The following ZMYND11 variants were observed in gnomAD, a reference collection of about 807,000 sequenced individuals.
ZMYND11 encodes the protein zinc finger MYND-type containing 11.
In ZMYND11, 9 loss-of-function variants were observed where a neutral mutation model predicts 84.9. The observed-to-expected ratio is 0.11, with a 90% CI of 0.06 to 0.18. ZMYND11 has a LOEUF of 0.18. Among genes scored for constraint, ZMYND11 ranks in the 10% least tolerant of loss-of-function variants. ZMYND11 has a pLI of 1.00. For missense variants in ZMYND11, 409 were observed against 761.0 expected (o/e 0.54, Z 5.44); for synonymous variants, 250 against 244.1 (o/e 1.02, Z -0.23).
At chr10:221,552 A>G (rs1221100563) in intron 4 of ZMYND11, among the ~76,000 whole-genome samples, 196 bp downstream of exon 4, 2 of 152,188 alleles carry the variant, frequency 1.3e-5, no homozygotes, top group African/African-American at 2.4e-5. Flanking sequence ...TGGATTTTAG[A>G]AAGTTTTAAT....
chr10:146,145 C>A (rs1158353607), intron 1 of ZMYND11, among the ~76,000 whole-genome samples: 4 of 152,060 alleles, frequency 2.6e-5, no homozygotes, highest in Non-Finnish European at 5.9e-5. Flanking sequence ...GTGTCCTTTC[C>A]CCAATTTTGT....
intron 3 of ZMYND11, among the ~76,000 whole-genome samples, chr10:218,105 T>C (rs1946496252): frequency 6.6e-6 from 1 of 152,252 alleles, no homozygotes; most frequent in Non-Finnish European, 1.5e-5. Flanking sequence ...CGCAAGTTTA[T>C]AATGGCACTG....
Position 135,922 on chromosome 10 carries a change from G to T in ZMYND11, c.-20+363G>T, listed in dbSNP as rs1369892615. 1.3e-5 allele frequency among the ~76,000 whole-genome samples: 2 copies of T among 151,534 alleles called. No individual in the cohort carries two copies. Among genetic ancestry groups the T allele is most frequent in the African/African-American group, 4.8e-5 (2 of 41,342 alleles). On this transcript the variant is annotated intron_variant, in intron 1 of 14. Transcript: ENST00000381604. The surrounding 1 kb of genome is among the most constrained non-coding windows in gnomAD (Gnocchi z 5.6). ...GCGTGAGCACCGCCCGCCGGGCCCT[G>T]TGCCCCGCTTTCGGTCAGGCCTCCT...
chr10:233,748 T>C (rs1417354215), intron 4 of ZMYND11, among the ~76,000 whole-genome samples: 2 of 152,168 alleles, frequency 1.3e-5, no homozygotes, highest in African/African-American at 2.4e-5. Context: ...CTCAGCAAAT[T>C]TAAACAGACA....
At chr10:193,675 C>T (rs977474647) in intron 2 of ZMYND11, among the ~76,000 whole-genome samples, 25 of 152,158 alleles carry the variant, frequency 1.6e-4, no homozygotes, top group African/African-American at 6.0e-4. Context: ...CCTGTGCAAC[C>T]ACCATCTCAA....
At chr10:233,124 T>G (rs1259477129) in intron 4 of ZMYND11, among the ~76,000 whole-genome samples, 2 of 152,088 alleles carry the variant, frequency 1.3e-5, no homozygotes, top group Non-Finnish European at 2.9e-5. Flanking sequence ...CCCTGGGGGC[T>G]TTTAGGACTA....
chr10:239,373 ACTTAGTCCAG>A, intron 6 of ZMYND11, 55 bp from the exon 7 acceptor site: 1 of 1,323,712 alleles, frequency 7.6e-7, no homozygotes, highest in Non-Finnish European at 1.1e-6. Flanking sequence ...TGTCCTGTGA[ACTTAGTCCAG>A]ACAAGTATTT....
At chr10:184,558 T>A (rs1339820834) in intron 2 of ZMYND11, among the ~76,000 whole-genome samples, 1 of 152,198 alleles carries the variant, frequency 6.6e-6, no homozygotes, top group Non-Finnish European at 1.5e-5. Flanking sequence ...GAATTCTGAC[T>A]TTTTCTTCTG....
At chr10:185,394 G>T (rs996594927) in intron 2 of ZMYND11, among the ~76,000 whole-genome samples, 4 of 149,976 alleles carry the variant, frequency 2.7e-5, no homozygotes, top group African/African-American at 7.4e-5. Context: ...GCTTTATTTG[G>T]TATTCTTCCA....
chr10:210,015 A>G lies in ZMYND11; in HGVS notation c.243A>G (p.Glu81=), dbSNP rs1944906566. Residue 81 remains glutamate (E), a synonymous_variant, in exon 3 of 15, where the codon GAA becomes GAG. Coordinates refer to ENST00000381604, the MANE Select transcript of ZMYND11 (RefSeq NM_001370100.5). ...GCAAAGGTTCAAAAGCTGGTATTGA[A>G]CAAGAAGGATATTGGTTGCCAGGAG... ...VGCKGSKAGI[E]QEGYWLPGDE... The G allele has an allele frequency of 1.2e-6, 2 of 1,614,020 alleles. No individual in the cohort carries two copies. Among genetic ancestry groups the G allele is most frequent in the African/African-American group, 2.7e-5 (2 of 74,944 alleles).
chr10:242,372 C>T (rs1002449922), intron 10 of ZMYND11, among the ~76,000 whole-genome samples: 8 of 152,024 alleles, frequency 5.3e-5, no homozygotes, highest in African/African-American at 1.7e-4. Context: ...AAGCACATTA[C>T]GGTTAAGACT....
intron 3 of ZMYND11, among the ~76,000 whole-genome samples, chr10:215,539 C>G (rs1946047716): frequency 6.6e-6 from 1 of 150,992 alleles, no homozygotes; most frequent in Admixed American, 6.6e-5. Context: ...TTAAATAGGC[C>G]TAGGGGGCAT....
intron 1 of ZMYND11, among the ~76,000 whole-genome samples, chr10:146,351 G>C (rs1328732466): frequency 1.3e-5 from 2 of 152,150 alleles, no homozygotes; most frequent in African/African-American, 4.8e-5. Flanking sequence ...TTGGCTATTT[G>C]AGCCATTTTT....
At chr10:199,762 A>C (rs1407169754) in intron 2 of ZMYND11, among the ~76,000 whole-genome samples, 1 of 152,176 alleles carries the variant, frequency 6.6e-6, no homozygotes, top group Non-Finnish European at 1.5e-5. Flanking sequence ...CATTAATTTT[A>C]TTAACTGCAT....
At chr10:220,512 T>C (rs1236669883) in intron 3 of ZMYND11, among the ~76,000 whole-genome samples, 2 of 152,216 alleles carry the variant, frequency 1.3e-5, no homozygotes, top group African/African-American at 4.8e-5. Context: ...TTCTTTTATT[T>C]CTAGGAATAG....
In ZMYND11 at chr10:252,574, C is replaced by T. The variant is rs1012441810; in HGVS notation, c.*104C>T. 6 of 1,473,000 alleles carry T rather than the reference C, an allele frequency of 4.1e-6. No individual in the cohort carries two copies. The African/African-American group carries it at 8.4e-5, about 21-fold the overall frequency. The allele number at this position is 1,473,000 out of a possible 1,614,324, so 91.2% of individuals were successfully genotyped here. A position where few individuals can be genotyped will look rare whatever the true frequency, so the allele number is the denominator to read the frequency against. Reference sequence around the variant, plus strand: ...TTTAGAATTTGCTTCCCATTTTGCACCAGCCTTTAAACACTTTTCGTGAAG... The same window carrying T: ...TTTAGAATTTGCTTCCCATTTTGCATCAGCCTTTAAACACTTTTCGTGAAG... On this transcript the variant is annotated 3_prime_UTR_variant, in exon 15 of 15. Transcript: ENST00000381604. This position sits in a 1 kb window ranked among gnomAD's most constrained non-coding sequence, Gnocchi z 4.6.
intron 3 of ZMYND11, among the ~76,000 whole-genome samples, chr10:211,501 C>T (rs542798124): frequency 1.6e-4 from 25 of 152,100 alleles, no homozygotes; most frequent in Non-Finnish European, 2.9e-4. Flanking sequence ...AACATACTAA[C>T]CTGTGAAGCC....
At chr10:196,157 T>C (rs1169417707) in intron 2 of ZMYND11, among the ~76,000 whole-genome samples, 1 of 152,238 alleles carries the variant, frequency 6.6e-6, no homozygotes, top group African/African-American at 2.4e-5. Context: ...CTATTTCTCT[T>C]TTCTTCTACT....
intron 1 of ZMYND11, among the ~76,000 whole-genome samples, chr10:143,482 A>G (rs1228561717): frequency 2.0e-5 from 3 of 152,218 alleles, no homozygotes; most frequent in African/African-American, 4.8e-5. Flanking sequence ...CCCTTCCTCA[A>G]TTAATATAAA....
Sources: gnomAD v4.1 joint callset for allele counts (sites outside exome capture counted in the v4.1 genomes callset) on GRCh38, gnomAD v4.1.1 for gene constraint, Gnocchi (gnomAD v3.1) non-coding constraint, MANE v1.5 for transcripts, NCBI Gene and HGNC (gene_info 2026-07-23, HGNC 2026-07-21) for gene names.